Variants in FRMPD4 observed in about 807,000 individuals in gnomAD.
The protein encoded by FRMPD4 is FERM and PDZ domain containing 4.
Under a neutral mutation model 94.1 loss-of-function variants are expected in FRMPD4, and 22 were observed. That is an observed-to-expected ratio of 0.23 (90% confidence interval 0.17 to 0.33). The LOEUF is 0.33. FRMPD4 is among the 10% of genes least tolerant of loss of function. The pLI, the probability that FRMPD4 is intolerant of heterozygous loss-of-function variation, is 1.00. For synonymous variants in FRMPD4, 631 were observed against 548.6 expected, an observed-to-expected ratio of 1.15 and a Z score of -2.10; for missense variants, 1,111 against 1,339.9, an observed-to-expected ratio of 0.83 and a Z score of 2.67.
chrX:12,171,553 G>A (rs1303957312), intron 1 of FRMPD4, among the ~76,000 whole-genome samples: 1 of 111,176 alleles, frequency 9.0e-6, no homozygotes, highest in African/African-American at 3.3e-5. Flanking sequence ...CAAGTTGGAG[G>A]GCTACCTTAC....
chrX:12,446,089 A>G, intron 1 of FRMPD4, among the ~76,000 whole-genome samples: 1 of 111,662 alleles, frequency 9.0e-6, no homozygotes, highest in African/African-American at 3.3e-5. Flanking sequence ...AGAAATTGTA[A>G]ACTCTTATTC....
At chrX:12,220,104 G>T (rs1049409016) in intron 1 of FRMPD4, among the ~76,000 whole-genome samples, 24 of 111,610 alleles carry the variant, frequency 2.2e-4, no homozygotes, top group African/African-American at 7.8e-4. Flanking sequence ...TCGCACCATT[G>T]CATTCCAGCC....
intron 3 of FRMPD4, among the ~76,000 whole-genome samples, chrX:12,122,608 T>TC (rs1455519215): frequency 9.1e-6 from 1 of 110,401 alleles, no homozygotes; most frequent in Non-Finnish European, 1.9e-5. Flanking sequence ...TTTTTTTTTT[T>TC]CATGAACACT....
intron 1 of FRMPD4, among the ~76,000 whole-genome samples, chrX:12,446,841 C>G (rs2057201937): frequency 9.0e-6 from 1 of 111,685 alleles, no homozygotes; most frequent in South Asian, 3.8e-4. Context: ...GGCTCCACCC[C>G]TTTTGGGGCA....
At chrX:12,015,507 T>C (rs2054600565) in intron 3 of FRMPD4, among the ~76,000 whole-genome samples, 1 of 112,290 alleles carries the variant, frequency 8.9e-6, no homozygotes, top group African/African-American at 3.2e-5. Flanking sequence ...TAATTGTTTC[T>C]TTTGTGTCTG....
At chrX:12,160,634 T>C (rs2147617869) in intron 1 of FRMPD4, among the ~76,000 whole-genome samples, 1 of 111,863 alleles carries the variant, frequency 8.9e-6, no homozygotes, top group South Asian at 3.8e-4. Flanking sequence ...TCCTTTAATA[T>C]ATATGAAGAT....
chrX:12,502,687 A>G (rs1450981319), intron 2 of FRMPD4, among the ~76,000 whole-genome samples: 1 of 112,599 alleles, frequency 8.9e-6, no homozygotes, highest in Non-Finnish European at 1.9e-5. Flanking sequence ...ACATACATAT[A>G]GATGATAGAG....
At chrX:12,207,765 A>G (rs1231425705) in intron 1 of FRMPD4, among the ~76,000 whole-genome samples, 1 of 110,213 alleles carries the variant, frequency 9.1e-6, no homozygotes, top group Non-Finnish European at 1.9e-5. Context: ...AATCCTGGAA[A>G]TGGAGAATCC....
At chrX:12,503,562 C>G (rs145183534) in intron 2 of FRMPD4, among the ~76,000 whole-genome samples, 1 of 112,217 alleles carries the variant, frequency 8.9e-6, no homozygotes, top group Non-Finnish European at 1.9e-5. Context: ...ATCTGCCAAT[C>G]TATTCCATGG....
chrX:12,306,861 C>A (rs1431619745), intron 1 of FRMPD4, among the ~76,000 whole-genome samples: 1 of 112,329 alleles, frequency 8.9e-6, no homozygotes, highest in Non-Finnish European at 1.9e-5. Context: ...AGATATGATG[C>A]TTTCTCAAGA....
chrX:12,081,204 C>T (rs1310216297), intron 3 of FRMPD4, among the ~76,000 whole-genome samples: 1 of 111,598 alleles, frequency 9.0e-6, no homozygotes, highest in African/African-American at 3.3e-5. Context: ...TTATTTTTAT[C>T]TTGGTTGTAG....
intron 4 of FRMPD4, among the ~76,000 whole-genome samples, chrX:12,620,168 C>T (rs2059274814): frequency 8.9e-6 from 1 of 112,898 alleles, no homozygotes; most frequent in Admixed American, 9.3e-5. Flanking sequence ...GATTCCCCGA[C>T]TCCACCTAGG....
intron 3 of FRMPD4, among the ~76,000 whole-genome samples, chrX:11,881,060 G>A (rs1192747634): frequency 8.9e-6 from 1 of 112,507 alleles, no homozygotes; most frequent in Non-Finnish European, 1.9e-5. Context: ...GTTCAAAGAT[G>A]AAGACAAAGT....
At chrX:11,909,083 A>G (rs1164150716) in intron 3 of FRMPD4, among the ~76,000 whole-genome samples, 1 of 111,757 alleles carries the variant, frequency 8.9e-6, no homozygotes, top group Non-Finnish European at 1.9e-5. Context: ...TGAACTAAAC[A>G]TATTCCCCCC....
At chrX:12,198,107 G>A (rs1310457249) in intron 1 of FRMPD4, among the ~76,000 whole-genome samples, 1 of 111,800 alleles carries the variant, frequency 8.9e-6, no homozygotes, top group Admixed American at 9.5e-5. Flanking sequence ...TAAATTTAAT[G>A]TGAATATATT....
intron 2 of FRMPD4, among the ~76,000 whole-genome samples, chrX:12,503,532 G>A (rs954008004): frequency 1.8e-5 from 2 of 111,999 alleles, no homozygotes; most frequent in African/African-American, 3.2e-5. Context: ...GCTCAACTTC[G>A]GAGTAGTTTA....
At chrX:12,183,788 G>A (rs1255822579) in intron 1 of FRMPD4, among the ~76,000 whole-genome samples, 1 of 110,747 alleles carries the variant, frequency 9.0e-6, no homozygotes, top group Non-Finnish European at 1.9e-5. Flanking sequence ...ATACACACCA[G>A]TCTCGTGTTC....
intron 1 of FRMPD4, among the ~76,000 whole-genome samples, chrX:12,423,277 A>G (rs1360728939): frequency 9.0e-6 from 1 of 111,177 alleles, no homozygotes; most frequent in Non-Finnish European, 1.9e-5. Context: ...AAAAACAAAA[A>G]TTTCCCACTC....
intron 4 of FRMPD4, among the ~76,000 whole-genome samples, chrX:12,635,170 G>A (rs1457820217): frequency 9.0e-6 from 1 of 111,680 alleles, no homozygotes; most frequent in Non-Finnish European, 1.9e-5. Flanking sequence ...TATACAGTAT[G>A]TCTTAAAAGT....
Sources: gnomAD v4.1 joint callset for allele counts (sites outside exome capture counted in the v4.1 genomes callset) on GRCh38, gnomAD v4.1.1 for gene constraint, MANE v1.5 for transcripts, NCBI Gene and HGNC (gene_info 2026-07-23, HGNC 2026-07-21) for gene names.